The following CDIN1 variants were observed in gnomAD, a reference collection of about 807,000 sequenced individuals.
CDIN1 encodes the protein CDAN1 interacting nuclease 1.
In CDIN1, 33 loss-of-function variants were observed where a neutral mutation model predicts 45.3. The observed-to-expected ratio is 0.73, with a 90% CI of 0.55 to 0.97. The LOEUF is 0.97. CDIN1 is among the 50% of genes least tolerant of loss of function. CDIN1 has a pLI of 0.00. For synonymous variants in CDIN1, 118 were observed against 124.4 expected, an observed-to-expected ratio of 0.95 and a Z score of 0.34; for missense variants, 303 against 339.4, an observed-to-expected ratio of 0.89 and a Z score of 0.84.
rs958552133 is a variant in CDIN1, at chr15:36,631,216, G to A, written c.102-13062G>A. Among the ~76,000 whole-genome samples, 4 of 152,278 alleles carry A rather than the reference G, an allele frequency of 2.6e-5. No individual in the cohort carries two copies. The East Asian group carries it at 7.7e-4, about 29-fold the overall frequency. Reference sequence around the variant, plus strand: ...AAAAAATGGAAGTCATAGAAGGAAAGAAGTTCATAATTTTGATCTTCTATT... The same window carrying A: ...AAAAAATGGAAGTCATAGAAGGAAAAAAGTTCATAATTTTGATCTTCTATT... On this transcript the variant is annotated intron_variant, in intron 1 of 10. Transcript: ENST00000566621.
intron 3 of CDIN1, among the ~76,000 whole-genome samples, chr15:36,648,436 T>TTC: frequency 7.5e-6 from 1 of 133,602 alleles, no homozygotes; most frequent in Non-Finnish European, 1.6e-5. Context: ...TATTTTTTTT[T>TTC]TTTTTTTTTT....
intron 10 of CDIN1, among the ~76,000 whole-genome samples, chr15:36,769,576 G>T (rs1012361802): frequency 6.6e-6 from 1 of 152,172 alleles, no homozygotes; most frequent in Non-Finnish European, 1.5e-5. Context: ...ATCTGGATTA[G>T]CATTTGGTTA....
chr15:36,619,184 G>T, intron 1 of CDIN1: 1 of 1,256,578 alleles, frequency 8.0e-7, no homozygotes, highest in South Asian at 1.4e-5. Flanking sequence ...GAACAGAGAT[G>T]CCAGTTTAGT....
chr15:36,702,534 T>A, intron 8 of CDIN1, among the ~76,000 whole-genome samples: 1 of 152,156 alleles, frequency 6.6e-6, no homozygotes, highest in East Asian at 1.9e-4. Flanking sequence ...CCACTGCTCT[T>A]GGTAGTTAGC....
At chr15:36,791,156 T>G (rs1268483370) in intron 10 of CDIN1, among the ~76,000 whole-genome samples, 1 of 152,138 alleles carries the variant, frequency 6.6e-6, no homozygotes, top group Non-Finnish European at 1.5e-5. Context: ...TAGCAGTATT[T>G]TCAAATCATT....
At chr15:36,763,984 C>T (rs143068160) in intron 10 of CDIN1, among the ~76,000 whole-genome samples, 5 of 152,252 alleles carry the variant, frequency 3.3e-5, no homozygotes, top group African/African-American at 1.2e-4. Flanking sequence ...CCAAAACAAA[C>T]CACAAGTTCA....
intron 10 of CDIN1, among the ~76,000 whole-genome samples, chr15:36,771,205 G>A (rs557815763): frequency 6.6e-6 from 1 of 152,144 alleles, no homozygotes; most frequent in South Asian, 2.1e-4. Context: ...ATACCCCAAG[G>A]GTGGAGGGCT....
intron 10 of CDIN1, among the ~76,000 whole-genome samples, chr15:36,726,162 C>T (rs748556689): frequency 1.1e-4 from 17 of 152,132 alleles, no homozygotes; most frequent in Non-Finnish European, 1.8e-4. Flanking sequence ...TTTAGCTCTT[C>T]ACCTGTTTTA....
At chr15:36,761,345 A>G (rs1200537019) in intron 10 of CDIN1, among the ~76,000 whole-genome samples, 1 of 152,212 alleles carries the variant, frequency 6.6e-6, no homozygotes, top group Non-Finnish European at 1.5e-5. Context: ...TAATGTTGTC[A>G]CAGACCTTAT....
intron 10 of CDIN1, among the ~76,000 whole-genome samples, chr15:36,798,376 C>G (rs902299897): frequency 6.6e-6 from 1 of 152,122 alleles, no homozygotes; most frequent in East Asian, 1.9e-4. Context: ...CATGAATCTG[C>G]AAAATTGGGA....
chr15:36,738,646 G>C (rs2381890), intron 10 of CDIN1, among the ~76,000 whole-genome samples: 115,438 of 152,054 alleles, frequency 0.76, 44,251 homozygotes, highest in East Asian at 0.96. Context: ...GCACTGTCCT[G>C]AGGTACATAC....
intron 1 of CDIN1, among the ~76,000 whole-genome samples, chr15:36,621,855 A>T (rs549557279): frequency 6.7e-6 from 1 of 149,844 alleles, no homozygotes; most frequent in Admixed American, 6.7e-5. Flanking sequence ...TTGTTGTTTG[A>T]CCTGACAACA....
At chr15:36,631,044 CG>C (rs1196140119) in intron 1 of CDIN1, among the ~76,000 whole-genome samples, 8 of 152,162 alleles carry the variant, frequency 5.3e-5, no homozygotes, top group Non-Finnish European at 1.2e-4. Context: ...CAAACTATAG[CG>C]GATGCCTACC....
chr15:36,694,819 G>T (rs1005227741), intron 7 of CDIN1, among the ~76,000 whole-genome samples: 1 of 152,146 alleles, frequency 6.6e-6, no homozygotes, highest in Non-Finnish European at 1.5e-5. Context: ...TCAGTTTCAT[G>T]ATTCAACATT....
chr15:36,620,043 G>C (rs184718408), intron 1 of CDIN1, among the ~76,000 whole-genome samples: 307 of 152,090 alleles, frequency 2.0e-3, no homozygotes, highest in Middle Eastern at 3.4e-3. Context: ...GGAAAGAATG[G>C]GGTTTCTTAA....
chr15:36,792,370 C>T (rs1423330930), intron 10 of CDIN1, among the ~76,000 whole-genome samples: 1 of 152,054 alleles, frequency 6.6e-6, no homozygotes, highest in Non-Finnish European at 1.5e-5. Context: ...GCTAATGACT[C>T]CTGTTAAGTT....
intron 8 of CDIN1, among the ~76,000 whole-genome samples, chr15:36,701,130 A>G (rs777043074): frequency 0.026 from 2,556 of 96,498 alleles, 80 homozygotes; most frequent in African/African-American, 0.094. Flanking sequence ...AGGTAGATAG[A>G]TAGATAGATA....
chr15:36,686,908 A>G (rs1423686088), intron 5 of CDIN1, among the ~76,000 whole-genome samples: 1 of 132,758 alleles, frequency 7.5e-6, no homozygotes, highest in East Asian at 2.3e-4. Context: ...AGAGGGAGGG[A>G]GAGAGGGAAG....
Position 36,627,646 on chromosome 15 carries a change from G to C in CDIN1, c.102-16632G>C, listed in dbSNP as rs906004752. On this transcript the variant is annotated intron_variant, in intron 1 of 10. Transcript: ENST00000566621. Reference sequence around the variant, plus strand: ...TGAAGATGAGTGGCATGGCCTTGCTGTAGTGGTACTCCACGTGGTCCATCC... The same window carrying C: ...TGAAGATGAGTGGCATGGCCTTGCTCTAGTGGTACTCCACGTGGTCCATCC... The C allele has an allele frequency of 1.3e-4, 20 of 152,390 alleles. 1 individual carries two copies. Among genetic ancestry groups the C allele is most frequent in the Admixed American group, 6.5e-4 (10 of 15,294 alleles). 9.4% of individuals were successfully genotyped at this position (152,390 alleles called of 1,614,324 possible). A position where few individuals can be genotyped will look rare whatever the true frequency, so the allele number is the denominator to read the frequency against.
Sources: gnomAD v4.1 joint callset for allele counts (sites outside exome capture counted in the v4.1 genomes callset) on GRCh38, gnomAD v4.1.1 for gene constraint, MANE v1.5 for transcripts, NCBI Gene and HGNC (gene_info 2026-07-23, HGNC 2026-07-21) for gene names.